Variants in PARD3B observed in about 807,000 individuals in gnomAD.
PARD3B encodes the protein partitioning defective 3 homolog B.
PARD3B carries 103 observed loss-of-function variants against 130.2 expected under a neutral mutation model. The observed-to-expected ratio is 0.79, with a 90% CI of 0.67 to 0.93. The LOEUF is 0.93. Ranked by LOEUF, PARD3B falls within the 40% of genes least tolerant of loss-of-function variation. The probability of loss-of-function intolerance (pLI) is 0.00; values close to 1 mark genes in which losing one functional copy is unlikely to be tolerated. For missense variants in PARD3B, 1,609 were observed against 1,499.2 expected (o/e 1.07, Z -1.21); for synonymous variants, 583 against 553.2 (o/e 1.05, Z -0.76).
chr2:205,583,418 TGA>T (rs60619288), intron 22 of PARD3B, among the ~76,000 whole-genome samples: 114,222 of 151,346 alleles, frequency 0.75, 43,672 homozygotes, highest in Non-Finnish European at 0.83. Flanking sequence ...CACGCGCGTG[TGA>T]GAGAGAGAGA....
In PARD3B at chr2:205,397,410, A is replaced by G. The variant is rs143553080; in HGVS notation, c.2631-3603A>G. On this transcript the variant is annotated intron_variant, in intron 18 of 22. Coordinates refer to ENST00000406610, the MANE Select transcript of PARD3B (RefSeq NM_001302769.2). The surrounding 1 kb of genome is among the most constrained non-coding windows in gnomAD (Gnocchi z 4.8). The stretch of plus-strand genomic sequence containing the variant: ...AAGAAGAAAATACTTTGCAGAATTT[A>G]CTTTCAACTAACATGTTTTTTTTCT... Among the ~76,000 whole-genome samples the G allele has an allele frequency of 3.9e-4, 60 of 152,316 alleles. 1 individual carries two copies. The East Asian group carries it at 0.011, about 28-fold the overall frequency.
intron 14 of PARD3B, among the ~76,000 whole-genome samples, chr2:205,188,467 G>A (rs1574330019): frequency 1.3e-5 from 2 of 152,220 alleles, no homozygotes; most frequent in East Asian, 1.9e-4. Context: ...AGGGTGGAGG[G>A]AATGGCAGAA....
intron 18 of PARD3B, chr2:205,302,057 T>A: frequency 2.2e-6 from 1 of 461,468 alleles, no homozygotes. Flanking sequence ...TTTTTTCTTT[T>A]TTCTTTTCTT....
At position 205,091,483 on chromosome 2, in the gene PARD3B, C is replaced by CTTG. The variant is rs919521752; in HGVS notation, c.505-12931_505-12929dup. Among the ~76,000 whole-genome samples, 1 of 152,110 alleles carries CTTG rather than the reference C, an allele frequency of 6.6e-6. No homozygotes were observed. Among genetic ancestry groups the CTTG allele is most frequent in the African/African-American group, 2.4e-5 (1 of 41,424 alleles). On this transcript the variant is annotated intron_variant, in intron 4 of 22. Transcript: ENST00000406610. This position sits in a 1 kb window ranked among gnomAD's most constrained non-coding sequence, Gnocchi z 4.2. Reference sequence around the variant, plus strand: ...AATATCCTCCCCACATTCACTCAGGCTTGTTGTTGTTGTTTCTAGCAACCA... The same window carrying CTTG: ...AATATCCTCCCCACATTCACTCAGGCTTGTTGTTGTTGTTGTTTCTAGCAACCA...
chr2:204,811,819 C>A (rs56099291), intron 2 of PARD3B, among the ~76,000 whole-genome samples: 29,764 of 151,542 alleles, frequency 0.2, 4,387 homozygotes, highest in African/African-American at 0.41. Context: ...CATTAAAAAA[C>A]AAAAAACAAA....
chr2:204,563,267 T>TCTCTCTCTCTCTC (rs1559158190), intron 1 of PARD3B, among the ~76,000 whole-genome samples: 6 of 59,306 alleles, frequency 1.0e-4, no homozygotes, highest in African/African-American at 2.1e-4. Context: ...CTCTCTCTCT[T>TCTCTCTCTCTCTC]TCTCTCTTCT....
chr2:205,106,705 C>T (rs1186767903), intron 5 of PARD3B, among the ~76,000 whole-genome samples: 1 of 152,048 alleles, frequency 6.6e-6, no homozygotes, highest in African/African-American at 2.4e-5. Context: ...TCCCTGATGC[C>T]TTGGTGTTTT....
intron 18 of PARD3B, among the ~76,000 whole-genome samples, chr2:205,350,903 A>C (rs1483338112): frequency 6.6e-6 from 1 of 152,188 alleles, no homozygotes; most frequent in Non-Finnish European, 1.5e-5. Context: ...GTTTTTAATT[A>C]TTATTAATAC....
At chr2:204,904,752 T>C (rs1335390691) in intron 2 of PARD3B, among the ~76,000 whole-genome samples, 1 of 152,140 alleles carries the variant, frequency 6.6e-6, no homozygotes, top group African/African-American at 2.4e-5. Flanking sequence ...GGATGTTAAA[T>C]ATGTTCTCTA....
chr2:205,600,917 G>A (rs2054760419), intron 22 of PARD3B, among the ~76,000 whole-genome samples: 1 of 152,164 alleles, frequency 6.6e-6, no homozygotes, highest in African/African-American at 2.4e-5. Flanking sequence ...ATGGGCATTT[G>A]AGTTGATTCC....
At chr2:204,743,501 G>A (rs948588289) in intron 2 of PARD3B, among the ~76,000 whole-genome samples, 8 of 152,060 alleles carry the variant, frequency 5.3e-5, no homozygotes, top group African/African-American at 1.9e-4. Flanking sequence ...TTACTGGTAA[G>A]GTTTCTCATC....
At chr2:205,035,391 A>G (rs1321828543) in intron 3 of PARD3B, among the ~76,000 whole-genome samples, 1 of 152,170 alleles carries the variant, frequency 6.6e-6, no homozygotes, top group East Asian at 1.9e-4. Context: ...ATTTTCAAGT[A>G]TATTCTATAT....
At chr2:204,786,689 A>G (rs2042020571) in intron 2 of PARD3B, among the ~76,000 whole-genome samples, 1 of 151,244 alleles carries the variant, frequency 6.6e-6, no homozygotes, top group South Asian at 2.1e-4. Flanking sequence ...TTAAATAAAA[A>G]TCATTAACAC....
intron 2 of PARD3B, among the ~76,000 whole-genome samples, chr2:204,856,024 A>C (rs2044921573): frequency 6.6e-6 from 1 of 152,188 alleles, no homozygotes; most frequent in South Asian, 2.1e-4. Context: ...GAGTGCAGAT[A>C]TCTCTTTGAC....
chr2:204,788,556 G>A (rs535859127), intron 2 of PARD3B, among the ~76,000 whole-genome samples: 1 of 152,288 alleles, frequency 6.6e-6, no homozygotes, highest in East Asian at 1.9e-4. Context: ...AACAGTCTTT[G>A]GATGTCCCAT....
At chr2:205,178,876 A>C (rs1356830975) in intron 13 of PARD3B, among the ~76,000 whole-genome samples, 1 of 152,204 alleles carries the variant, frequency 6.6e-6, no homozygotes, top group Admixed American at 6.5e-5. Context: ...TATAATTTTT[A>C]TCATCATTTT....
intron 22 of PARD3B, among the ~76,000 whole-genome samples, chr2:205,610,320 A>T (rs1220840344): frequency 1.3e-5 from 2 of 152,150 alleles, no homozygotes; most frequent in Admixed American, 1.3e-4. Flanking sequence ...CCTGGGTTTG[A>T]CATTGTCTCC....
rs565263705 is a variant in PARD3B at position 205,011,952 on chromosome 2, T to C, written c.395-35629T>C. 6.6e-6 allele frequency among the ~76,000 whole-genome samples: 1 copy of C among 152,290 alleles called. No homozygotes were observed. Among genetic ancestry groups the C allele is most frequent in the African/African-American group, 2.4e-5 (1 of 41,572 alleles). On this transcript the variant is annotated intron_variant, in intron 3 of 22. Transcript: ENST00000406610. The surrounding 1 kb of genome is among the most constrained non-coding windows in gnomAD (Gnocchi z 4.1). ...AGTCTCTGGAGCACAGACTGAGGAA[T>C]GGAAATGGGCCAAGGCCTCGTTGGG... is the stretch of plus-strand genomic sequence containing the variant.
chr2:205,220,935 TGGAGG>T (rs1353523153), intron 15 of PARD3B, among the ~76,000 whole-genome samples: 1 of 152,112 alleles, frequency 6.6e-6, no homozygotes, highest in Non-Finnish European at 1.5e-5. Context: ...CAGATGATAT[TGGAGG>T]GGCTGCTGCA....
Sources: gnomAD v4.1 joint callset for allele counts (sites outside exome capture counted in the v4.1 genomes callset) on GRCh38, gnomAD v4.1.1 for gene constraint, Gnocchi (gnomAD v3.1) non-coding constraint, MANE v1.5 for transcripts, NCBI Gene and HGNC (gene_info 2026-07-23, HGNC 2026-07-21) for gene names.